The following FBXL7 variants were observed in gnomAD, a reference collection of about 807,000 sequenced individuals.
FBXL7 encodes the protein F-box and leucine rich repeat protein 7, also known as F-box/LRR-repeat protein 7.
FBXL7 carries 12 observed loss-of-function variants against 38.3 expected under a neutral mutation model. That is an observed-to-expected ratio of 0.31 (90% CI 0.20 to 0.51). The LOEUF (loss-of-function observed/expected upper bound fraction) is 0.51. Among genes scored for constraint, FBXL7 ranks in the 20% least tolerant of loss-of-function variants. FBXL7 has a pLI of 0.98. For synonymous variants in FBXL7, 297 were observed against 300.9 expected, an observed-to-expected ratio of 0.99 and a Z score of 0.13; for missense variants, 567 against 676.4, an observed-to-expected ratio of 0.84 and a Z score of 1.79.
intron 2 of FBXL7, among the ~76,000 whole-genome samples, chr5:15,745,881 T>C (rs1343302998): frequency 6.6e-6 from 1 of 152,184 alleles, no homozygotes; most frequent in African/African-American, 2.4e-5. Flanking sequence ...GTTTCTACTT[T>C]TAAAAAACCC....
intron 1 of FBXL7, among the ~76,000 whole-genome samples, chr5:15,570,291 A>G (rs886779116): frequency 6.6e-6 from 1 of 152,130 alleles, no homozygotes; most frequent in Non-Finnish European, 1.5e-5. Context: ...CTATTCAGAG[A>G]TTCAGCTTCT....
Position 15,936,945 on chromosome 5 carries a change from GC to G in FBXL7, c.1238del (p.Pro413LeufsTer13). On this transcript the variant is annotated frameshift_variant, in exon 4 of 4. Transcript: ENST00000504595. LOFTEE classifies it high-confidence loss of function. This position sits in a 1 kb window ranked among gnomAD's most constrained non-coding sequence, Gnocchi z 6.0. The part of the protein sequence containing the change: ...TKLKSLDIGK[C>X]PLVSDTGLEC... ...CTCAAATCCCTGGATATCGGCAAAT[GC>G]CCTTTGGTATCCGACACGGGCCTGG... is the stretch of plus-strand genomic sequence containing the variant. The G allele has an allele frequency of 1.2e-6, 2 of 1,614,040 alleles. No homozygotes were observed. The highest frequency in any genetic ancestry group is 1.7e-6 in the Non-Finnish European group (2 of 1,179,906).
intron 2 of FBXL7, among the ~76,000 whole-genome samples, chr5:15,855,981 A>G (rs191043517): frequency 1.6e-4 from 25 of 152,312 alleles, no homozygotes; most frequent in Admixed American, 1.6e-3. Flanking sequence ...TCAAACTACC[A>G]AAGTAATATT....
At chr5:15,839,112 A>G (rs1738674335) in intron 2 of FBXL7, among the ~76,000 whole-genome samples, 1 of 150,090 alleles carries the variant, frequency 6.7e-6, no homozygotes, top group Admixed American at 6.6e-5. Flanking sequence ...TCCAATTTGT[A>G]GGAATCCTAC....
intron 1 of FBXL7, among the ~76,000 whole-genome samples, chr5:15,589,065 A>T (rs894044348): frequency 1.3e-5 from 2 of 152,184 alleles, no homozygotes; most frequent in Non-Finnish European, 2.9e-5. Context: ...AAAGTATGCT[A>T]ACTGAGAAAG....
chr5:15,595,972 A>G (rs534699695), intron 1 of FBXL7, among the ~76,000 whole-genome samples: 1 of 152,334 alleles, frequency 6.6e-6, no homozygotes, highest in African/African-American at 2.4e-5. Flanking sequence ...ACATGAAATA[A>G]CAAGATCGCA....
At chr5:15,526,023 C>T (rs923836674) in intron 1 of FBXL7, among the ~76,000 whole-genome samples, 3 of 148,318 alleles carry the variant, frequency 2.0e-5, no homozygotes, top group African/African-American at 7.3e-5. Flanking sequence ...GTTCTGTGTC[C>T]TTGTTGAAAA....
intron 1 of FBXL7, among the ~76,000 whole-genome samples, chr5:15,520,024 G>A (rs568576122): frequency 6.6e-6 from 1 of 152,240 alleles, no homozygotes; most frequent in Non-Finnish European, 1.5e-5. Context: ...TGCTAAACAA[G>A]TGGTGGATTA....
At chr5:15,875,696 A>G (rs1740172590) in intron 2 of FBXL7, among the ~76,000 whole-genome samples, 1 of 152,212 alleles carries the variant, frequency 6.6e-6, no homozygotes, top group Non-Finnish European at 1.5e-5. Flanking sequence ...TCAAAACCAC[A>G]ATGAAATACC....
At chr5:15,768,090 G>A (rs993602853) in intron 2 of FBXL7, among the ~76,000 whole-genome samples, 2 of 152,184 alleles carry the variant, frequency 1.3e-5, no homozygotes, top group African/African-American at 4.8e-5. Context: ...GTCAGCAGCA[G>A]GAATGGTTGT....
intron 2 of FBXL7, among the ~76,000 whole-genome samples, chr5:15,691,455 GCT>G (rs1270863926): frequency 1.3e-5 from 2 of 152,288 alleles, no homozygotes; most frequent in East Asian, 3.9e-4. Context: ...CCGTCATTTG[GCT>G]CTTTCTCCTG....
intron 1 of FBXL7, among the ~76,000 whole-genome samples, chr5:15,527,360 T>G (rs925244030): frequency 1.3e-5 from 2 of 152,224 alleles, no homozygotes; most frequent in African/African-American, 4.8e-5. Context: ...GGTGATTTTT[T>G]TCTTATTATT....
At chr5:15,528,589 A>G (rs1737320214) in intron 1 of FBXL7, among the ~76,000 whole-genome samples, 1 of 152,200 alleles carries the variant, frequency 6.6e-6, no homozygotes, top group Non-Finnish European at 1.5e-5. Flanking sequence ...TTATAAAACC[A>G]TCAGCTCTTA....
chr5:15,727,352 C>T (rs758270835), intron 2 of FBXL7, among the ~76,000 whole-genome samples: 1 of 152,146 alleles, frequency 6.6e-6, no homozygotes, highest in Admixed American at 6.6e-5. Flanking sequence ...TTATTTCACC[C>T]TTCAGGGCCT....
chr5:15,660,933 C>T (rs1333705331), intron 2 of FBXL7, among the ~76,000 whole-genome samples: 3 of 152,004 alleles, frequency 2.0e-5, no homozygotes. Context: ...TCTGGTCCCT[C>T]TTCTTTTGTT....
intron 2 of FBXL7, among the ~76,000 whole-genome samples, chr5:15,904,264 C>T (rs1051343013): frequency 1.3e-5 from 2 of 152,150 alleles, no homozygotes; most frequent in African/African-American, 2.4e-5. Context: ...TAAACAGCAA[C>T]AGACCCTTTC....
At chr5:15,932,715 A>C (rs1430375250) in intron 3 of FBXL7, among the ~76,000 whole-genome samples, 1 of 152,118 alleles carries the variant, frequency 6.6e-6, no homozygotes, top group Non-Finnish European at 1.5e-5. Context: ...CCTGGACTCC[A>C]TATCTATTAA....
At chr5:15,705,613 T>C (rs970885198) in intron 2 of FBXL7, among the ~76,000 whole-genome samples, 1 of 152,182 alleles carries the variant, frequency 6.6e-6, no homozygotes, top group Non-Finnish European at 1.5e-5. Context: ...AAACAATTGT[T>C]CTAGATGTTC....
intron 2 of FBXL7, among the ~76,000 whole-genome samples, chr5:15,845,725 A>C (rs1391182851): frequency 6.6e-6 from 1 of 152,192 alleles, no homozygotes; most frequent in African/African-American, 2.4e-5. Flanking sequence ...TAATCCCAGC[A>C]CTTTGGGAGG....
Sources: gnomAD v4.1 joint callset for allele counts (sites outside exome capture counted in the v4.1 genomes callset) on GRCh38, gnomAD v4.1.1 for gene constraint, Gnocchi (gnomAD v3.1) non-coding constraint, MANE v1.5 for transcripts, NCBI Gene and HGNC (gene_info 2026-07-23, HGNC 2026-07-21) for gene names.